KIAA0513: variants seen among roughly 807,000 people sequenced by gnomAD.
KIAA0513 encodes KIAA0513, also known as uncharacterized protein KIAA0513.
A neutral mutation model predicts 56.5 loss-of-function variants in KIAA0513; 39 were observed. The observed-to-expected ratio is 0.69, with a 90% CI of 0.53 to 0.90. The LOEUF (loss-of-function observed/expected upper bound fraction) is 0.90. Ranked by LOEUF, KIAA0513 falls within the 40% of genes least tolerant of loss-of-function variation. KIAA0513 has a pLI of 0.00. For missense variants in KIAA0513, 591 were observed against 535.2 expected, an observed-to-expected ratio of 1.10 and a Z score of -1.03; for synonymous variants, 268 against 215.6, an observed-to-expected ratio of 1.24 and a Z score of -2.13.
chr16:85,048,113 G>A (rs1182806588), intron 1 of KIAA0513, among the ~76,000 whole-genome samples: 2 of 152,220 alleles, frequency 1.3e-5, no homozygotes, highest in African/African-American at 2.4e-5. Context: ...CAGGAATAAA[G>A]TAAAGGGTGA....
At chr16:85,070,010 A>G (rs1185240231) in intron 2 of KIAA0513, among the ~76,000 whole-genome samples, 1 of 151,570 alleles carries the variant, frequency 6.6e-6, no homozygotes, top group African/African-American at 2.4e-5. Flanking sequence ...ACAAAAAAAA[A>G]AACCACAAAA....
At chr16:85,036,911 C>G (rs1000492852) in intron 1 of KIAA0513, among the ~76,000 whole-genome samples, 1 of 152,138 alleles carries the variant, frequency 6.6e-6, no homozygotes, top group Non-Finnish European at 1.5e-5. Flanking sequence ...GAGGAAGAAC[C>G]TGACTTGAGA....
chr16:85,028,890 C>G (rs1038977518), intron 1 of KIAA0513, among the ~76,000 whole-genome samples: 2 of 152,144 alleles, frequency 1.3e-5, no homozygotes, highest in Admixed American at 6.6e-5. Flanking sequence ...ACCGAGGCTG[C>G]TTTAGCCAGC....
intron 1 of KIAA0513, among the ~76,000 whole-genome samples, chr16:85,029,835 T>C (rs183836450): frequency 7.9e-5 from 12 of 152,348 alleles, no homozygotes; most frequent in Admixed American, 7.8e-4. Flanking sequence ...ATGCAGACTC[T>C]TGGCTGATCT....
At chr16:85,080,944 G>A (rs761075400) in intron 8 of KIAA0513, among the ~76,000 whole-genome samples, 6 of 152,174 alleles carry the variant, frequency 3.9e-5, no homozygotes, top group Non-Finnish European at 8.8e-5. Context: ...CCAGCCCTCT[G>A]CTTCGTCTTG....
At chr16:85,073,302 C>G (rs553287552) in intron 4 of KIAA0513, among the ~76,000 whole-genome samples, 1 of 152,342 alleles carries the variant, frequency 6.6e-6, no homozygotes, top group African/African-American at 2.4e-5. Flanking sequence ...CCTGCCCTCC[C>G]CGGGAGATCT....
chr16:85,067,295 A>T lies in KIAA0513; in HGVS notation c.224A>T (p.Asn75Ile), dbSNP rs141719983. 6.2e-7 allele frequency: 1 copy of T among 1,613,640 alleles called. No individual in the cohort carries two copies. Among genetic ancestry groups the T allele is most frequent in the Non-Finnish European group, 8.5e-7 (1 of 1,180,016 alleles). ...SWDQDRRSSS[N>I]ESFSSNQSTE... is the part of the protein sequence containing the mutation. ...GACCAAGACCGCCGTTCCTCCTCCA[A>T]CGAGTCCTTCTCCTCCAACCAGAGC... Residue 75 changes from asparagine to isoleucine, a missense_variant, in exon 2 of 13, where the codon AAC becomes ATC. Coordinates refer to ENST00000683363, the MANE Select transcript of KIAA0513 (RefSeq NM_001388359.1).
rs1300917628 is a variant in KIAA0513, at chr16:85,067,369, C to T, written c.298C>T (p.Arg100Cys). 19 of 1,605,636 alleles carry T rather than the reference C, an allele frequency of 1.2e-5. 1 individual carries two copies. Among genetic ancestry groups the T allele is most frequent in the South Asian group, 3.3e-5 (3 of 91,050 alleles). Residue 100 changes from arginine (R) to cysteine (C), a missense_variant, in exon 2 of 13, where the codon CGT (arginine) becomes TGT (cysteine). Coordinates refer to ENST00000683363, the MANE Select transcript of KIAA0513 (RefSeq NM_001388359.1). Reference sequence around the variant, plus strand: ...GACCCTGGCACTCAGGGACTTCATGCGTGGCTACGTGGAGAAGATCTTCTC... The same window carrying T: ...GACCCTGGCACTCAGGGACTTCATGTGTGGCTACGTGGAGAAGATCTTCTC... The part of the protein sequence containing the change: ...EETLALRDFM[R>C]GYVEKIFSGG...
chr16:85,058,278 A>G (rs530407447), intron 1 of KIAA0513, among the ~76,000 whole-genome samples: 1 of 152,330 alleles, frequency 6.6e-6, no homozygotes, highest in African/African-American at 2.4e-5. Flanking sequence ...CTCTTCACCT[A>G]GTAGCGGGAT....
intron 1 of KIAA0513, among the ~76,000 whole-genome samples, chr16:85,066,260 GA>G (rs1252727083): frequency 6.6e-6 from 1 of 152,190 alleles, no homozygotes; most frequent in East Asian, 1.9e-4. Context: ...AAAAGTTGGG[GA>G]ATGGAGAAGG....
intron 5 of KIAA0513, 140 bp from the exon 6 acceptor site, chr16:85,077,285 A>G: frequency 1.3e-6 from 1 of 746,858 alleles, no homozygotes; most frequent in Non-Finnish European, 2.2e-6. Flanking sequence ...AGCCTGCACC[A>G]CCCCCTGTCC....
Position 85,067,004 on chromosome 16 carries a change from C to A in KIAA0513, c.-68C>A. On this transcript the variant is annotated 5_prime_UTR_variant, in exon 2 of 13. Coordinates refer to ENST00000683363, the MANE Select transcript of KIAA0513 (RefSeq NM_001388359.1). ...GGCTCCTACTAACGCACCTGGGACA[C>A]CAGGCTGCTGGGCTCCCCTCTAGGC... 1 of 1,412,904 alleles carries A rather than the reference C, an allele frequency of 7.1e-7. No homozygotes were observed. The highest frequency in any genetic ancestry group is 1.4e-5 in the South Asian group (1 of 72,218). The allele number at this position is 1,412,904 out of a possible 1,614,324, so 87.5% of individuals were successfully genotyped here.
intron 8 of KIAA0513, among the ~76,000 whole-genome samples, chr16:85,079,995 G>A (rs760272992): frequency 1.1e-4 from 17 of 152,122 alleles, no homozygotes; most frequent in East Asian, 1.9e-4. Context: ...AGTGTCAGAC[G>A]GGCCCTCCCT....
Position 85,089,809 on chromosome 16 carries a change from A to T in KIAA0513, c.*1484A>T, listed in dbSNP as rs1180860118. The T allele has an allele frequency of 6.6e-6, 1 of 152,158 alleles. No homozygotes were observed. Among genetic ancestry groups the T allele is most frequent in the Non-Finnish European group, 1.5e-5 (1 of 68,044 alleles). 9.4% of individuals were successfully genotyped at this position (152,158 alleles called of 1,614,324 possible). On this transcript the variant is annotated 3_prime_UTR_variant, in exon 13 of 13. Transcript: ENST00000683363. The surrounding 1 kb of genome is among the most constrained non-coding windows in gnomAD (Gnocchi z 4.2). ...GGAATGCCTCCCTGGAATGTTCCAG[A>T]GACGGAACATTCTCTAGAGACAACA...
In KIAA0513 at chr16:85,092,724, C is replaced by T. The variant is rs1260149010; in HGVS notation, c.*4399C>T. On this transcript the variant is annotated 3_prime_UTR_variant, in exon 13 of 13. Transcript: ENST00000683363. Reference sequence around the variant, plus strand: ...TCTTGGAGATAGGTTTCACTTTTTCCCAGCTGCGTCCACAGGAAAGGGGAG... The same window carrying T: ...TCTTGGAGATAGGTTTCACTTTTTCTCAGCTGCGTCCACAGGAAAGGGGAG... 6.6e-6 allele frequency: 1 copy of T among 152,240 alleles called. No homozygotes were observed. Among genetic ancestry groups the T allele is most frequent in the East Asian group, 1.9e-4 (1 of 5,194 alleles). The allele number at this position is 152,240 out of a possible 1,614,324, so 9.4% of individuals were successfully genotyped here. A position where few individuals can be genotyped will look rare whatever the true frequency, so the allele number is the denominator to read the frequency against.
intron 1 of KIAA0513, among the ~76,000 whole-genome samples, chr16:85,033,856 G>T (rs565302534): frequency 6.6e-6 from 1 of 152,096 alleles, no homozygotes; most frequent in Non-Finnish European, 1.5e-5. Context: ...GAAAGATGTC[G>T]TAGTTTGTCT....
intron 4 of KIAA0513, among the ~76,000 whole-genome samples, chr16:85,073,743 G>A (rs2073613953): frequency 1.3e-5 from 2 of 152,284 alleles, no homozygotes; most frequent in African/African-American, 4.8e-5. Context: ...CCCTGATCTG[G>A]GCATATCTGT....
chr16:85,043,539 G>A (rs1361345517), intron 1 of KIAA0513, among the ~76,000 whole-genome samples: 3 of 150,514 alleles, frequency 2.0e-5, no homozygotes, highest in African/African-American at 2.4e-5. Flanking sequence ...AGCCTCTTGA[G>A]TAGCTGGGAC....
At chr16:85,053,428 C>G (rs960325434) in intron 1 of KIAA0513, among the ~76,000 whole-genome samples, 1 of 152,148 alleles carries the variant, frequency 6.6e-6, no homozygotes, top group Non-Finnish European at 1.5e-5. Context: ...TTTATGTTCC[C>G]ACATTCTCTA....
Sources: gnomAD v4.1 joint callset for allele counts (sites outside exome capture counted in the v4.1 genomes callset) on GRCh38, gnomAD v4.1.1 for gene constraint, Gnocchi (gnomAD v3.1) non-coding constraint, MANE v1.5 for transcripts, NCBI Gene and HGNC (gene_info 2026-07-23, HGNC 2026-07-21) for gene names.